THOC6: variants seen among roughly 807,000 people sequenced by gnomAD.
THOC6 encodes the protein THO complex 6.
Under a neutral mutation model 55.8 loss-of-function variants are expected in THOC6, and 39 were observed. That is an observed-to-expected ratio of 0.70 (90% CI 0.54 to 0.91). The LOEUF is 0.91. THOC6 is among the 40% of genes least tolerant of loss of function. The pLI is 0.00. For synonymous variants in THOC6, 192 were observed against 175.6 expected (o/e 1.09, Z -0.74); for missense variants, 482 against 442.0 (o/e 1.09, Z -0.81).
Position 3,024,234 on chromosome 16 carries a change from G to T in THOC6, c.-93G>T. 6 of 1,534,090 alleles carry T rather than the reference G, an allele frequency of 3.9e-6. No individual in the cohort carries two copies. The highest frequency in any genetic ancestry group is 5.4e-6 in the Non-Finnish European group (6 of 1,113,194). On this transcript the variant is annotated 5_prime_UTR_variant, in exon 1 of 13. Coordinates refer to ENST00000326266, the MANE Select transcript of THOC6 (RefSeq NM_024339.5). The stretch of plus-strand genomic sequence containing the variant: ...CACCAGCCACCTTCGCGCCGAAGGC[G>T]GTAGGGCGCCACGGAGAGGAACCGC...
rs763408810 is a variant in THOC6, at chr16:3,024,348, G to C, written c.22G>C (p.Ala8Pro). 1 of 1,614,190 alleles carries C rather than the reference G, an allele frequency of 6.2e-7. No individual in the cohort carries two copies. The highest frequency in any genetic ancestry group is 1.7e-5 in the Admixed American group (1 of 60,030). ...GGAGATGGAGCGAGCTGTGCCGCTC[G>C]CGGTGCCTCTGGGTCAGGTGAGACG... MERAVPL[A>P]VPLGQTEVFQ... is the part of the protein sequence containing the mutation. The change falls in exon 1 of 13, where the codon GCG becomes CCG. Residue 8 changes from alanine (A) to proline (P), a missense_variant. Coordinates refer to ENST00000326266, the MANE Select transcript of THOC6 (RefSeq NM_024339.5).
In THOC6 at chr16:3,024,053, GCGGGCGCGGAAGA is replaced by G; in HGVS notation, c.-267_-255del. On this transcript the variant is annotated 5_prime_UTR_variant, in exon 1 of 13. Coordinates refer to ENST00000326266, the MANE Select transcript of THOC6 (RefSeq NM_024339.5). Reference sequence around the variant, plus strand: ...GGCGGGCACAGCCGCGAGGTTCTGCGCGGGCGCGGAAGACGGGCGGCGCGTGGCGGAAGGCAGG... The same window carrying G: ...GGCGGGCACAGCCGCGAGGTTCTGCGCGGGCGGCGCGTGGCGGAAGGCAGG... The G allele has an allele frequency of 1.1e-6, 1 of 926,646 alleles. No individual in the cohort carries two copies. Among genetic ancestry groups the G allele is most frequent in the Non-Finnish European group, 1.6e-6 (1 of 628,754 alleles). The allele number at this position is 926,646 out of a possible 1,614,324, so 57.4% of individuals were successfully genotyped here.
chr16:3,027,508 C>A lies in THOC6; in HGVS notation c.945+8C>A. 1 of 1,611,364 alleles carries A rather than the reference C, an allele frequency of 6.2e-7. No individual in the cohort carries two copies. Among genetic ancestry groups the A allele is most frequent in the Non-Finnish European group, 8.5e-7 (1 of 1,178,728 alleles). On this transcript the variant is annotated splice_region_variant and intron_variant, in intron 12 of 12. Coordinates refer to ENST00000326266, the MANE Select transcript of THOC6 (RefSeq NM_024339.5). The stretch of plus-strand genomic sequence containing the variant: ...GCCGCGCCTGAGTGCAAGGTGGGTC[C>A]GGCAGGGGCCGCGGAGCGGCTGGGA...
chr16:3,024,853 T>C (rs2072742952), intron 1 of THOC6, among the ~76,000 whole-genome samples: 1 of 151,880 alleles, frequency 6.6e-6, no homozygotes, highest in Non-Finnish European at 1.5e-5. Flanking sequence ...CAGGCTGGTC[T>C]CGAACTCCTG....
chr16:3,024,341 G>T lies in THOC6; in HGVS notation c.15G>T (p.Val5=). The T allele has an allele frequency of 6.2e-7, 1 of 1,614,168 alleles. No individual in the cohort carries two copies. Among genetic ancestry groups the T allele is most frequent in the South Asian group, 1.1e-5 (1 of 91,086 alleles). The change falls in exon 1 of 13, where the codon GTG becomes GTT. Residue 5 remains valine (V), a synonymous_variant. Coordinates refer to ENST00000326266, the MANE Select transcript of THOC6 (RefSeq NM_024339.5). The stretch of plus-strand genomic sequence containing the variant: ...TAGTTCTGGAGATGGAGCGAGCTGT[G>T]CCGCTCGCGGTGCCTCTGGGTCAGG... MERA[V]PLAVPLGQTE... is the part of the protein sequence containing the mutation.
Position 3,024,332 on chromosome 16 carries a change from G to A in THOC6, c.6G>A (p.Glu2=), listed in dbSNP as rs1203204420. 6.2e-7 allele frequency: 1 copy of A among 1,614,182 alleles called. No individual in the cohort carries two copies. The highest frequency in any genetic ancestry group is 1.7e-5 in the Admixed American group (1 of 60,030). Residue 2 remains glutamate (E), a synonymous_variant, in exon 1 of 13, where the codon GAG becomes GAA. Transcript: ENST00000326266. The stretch of plus-strand genomic sequence containing the variant: ...TGGGACTTGTAGTTCTGGAGATGGA[G>A]CGAGCTGTGCCGCTCGCGGTGCCTC... M[E]RAVPLAVPLG... is the part of the protein sequence containing the mutation.
Position 3,025,321 on chromosome 16 carries a change from C to G in THOC6, c.40-387C>G, listed in dbSNP as rs527853535. 2.0e-5 allele frequency among the ~76,000 whole-genome samples: 3 copies of G among 152,210 alleles called. No individual in the cohort carries two copies. In the South Asian group the frequency reaches 6.2e-4, roughly 32 times the overall value. On this transcript the variant is annotated intron_variant, in intron 1 of 12. Coordinates refer to ENST00000326266, the MANE Select transcript of THOC6 (RefSeq NM_024339.5). The stretch of plus-strand genomic sequence containing the variant: ...CTCAAACTCCTGGCCTCCCAGAGCG[C>G]TGGATTACAGGCATGAACCACCACA...
chr16:3,024,487 T>A, intron 1 of THOC6, 122 bp downstream of exon 1: 1 of 1,243,590 alleles, frequency 8.0e-7, no homozygotes. Flanking sequence ...GGACTCAGAC[T>A]CTGACCAGGG....
chr16:3,026,964 A>G (rs2072812379), intron 9 of THOC6, 47 bp from the exon 10 acceptor site: 1 of 1,613,772 alleles, frequency 6.2e-7, no homozygotes, highest in African/African-American at 1.3e-5. Flanking sequence ...CAACTCCTTG[A>G]ATTCTCCAGG....
chr16:3,025,490 C>G (rs903438074), intron 1 of THOC6, among the ~76,000 whole-genome samples: 1 of 152,254 alleles, frequency 6.6e-6, no homozygotes, highest in African/African-American at 2.4e-5. Context: ...TCAGAGGTCC[C>G]TGAGGCATCA....
At position 3,027,188 on chromosome 16, in the gene THOC6, G is replaced by GC. The variant is rs769663666; in HGVS notation, c.721dup (p.Leu241ProfsTer73). ...TGTCCAGGTCTGTGGAGGGGGCCCA[G>GC]CCCTCACCCTCTGGCACCTCCGATC... is the stretch of plus-strand genomic sequence containing the variant. On this transcript the variant is annotated frameshift_variant, in exon 11 of 13. Transcript: ENST00000326266. LOFTEE classifies it high-confidence loss of function. 6 of 1,614,060 alleles carry GC rather than the reference G, an allele frequency of 3.7e-6. No homozygotes were observed. In the East Asian group the frequency reaches 1.3e-4, roughly 36 times the overall value.
At chr16:3,026,467 C>T (rs939720563) in intron 6 of THOC6, 49 bp from the exon 7 acceptor site, 11 of 1,613,978 alleles carry the variant, frequency 6.8e-6, no homozygotes, top group Non-Finnish European at 9.3e-6. Flanking sequence ...TCACCCTCTG[C>T]CTATCCTGAT....
Position 3,024,255 on chromosome 16 carries a change from A to C in THOC6, c.-72A>C. 3.1e-6 allele frequency: 5 copies of C among 1,599,056 alleles called. No individual in the cohort carries two copies. The South Asian group carries it at 3.3e-5, about 11-fold the overall frequency. ...AGGCGGTAGGGCGCCACGGAGAGGA[A>C]CCGCTCTAGGCACGTAAGGCCTCGT... On this transcript the variant is annotated 5_prime_UTR_variant, in exon 1 of 13. Coordinates refer to ENST00000326266, the MANE Select transcript of THOC6 (RefSeq NM_024339.5).
At chr16:3,024,395 T>A in intron 1 of THOC6, 30 bp downstream of exon 1, 1 of 1,613,900 alleles carries the variant, frequency 6.2e-7, no homozygotes, top group Non-Finnish European at 8.5e-7. Context: ...CGTTGCCTTC[T>A]GGGGTTTGTA....
rs1157346684 is a variant in THOC6 at position 3,026,664 on chromosome 16, C to T, written c.484-15C>T. 1.9e-6 allele frequency: 3 copies of T among 1,610,454 alleles called. No homozygotes were observed. Among genetic ancestry groups the T allele is most frequent in the Middle Eastern group, 1.7e-4 (1 of 6,052 alleles). On this transcript the variant is annotated splice_polypyrimidine_tract_variant and intron_variant, in intron 7 of 12. Transcript: ENST00000326266. ...CTTCCTAGGTCTCCTCCTGACATCG[C>T]CCCTCTACATGCAGAGGGTCCTCCG...
In THOC6 at chr16:3,027,718, T is replaced by A; in HGVS notation, c.*61T>A. The A allele has an allele frequency of 6.5e-7, 1 of 1,541,184 alleles. No homozygotes were observed. The highest frequency in any genetic ancestry group is 8.7e-7 in the Non-Finnish European group (1 of 1,146,552). On this transcript the variant is annotated 3_prime_UTR_variant, in exon 13 of 13. Transcript: ENST00000326266. ...GAGTGTTTTTCATTTTCTTTTTTTTTTTTTTTTTACAATAAAGTTTCAGGC... is the reference window on the plus strand; with the variant it reads ...GAGTGTTTTTCATTTTCTTTTTTTTATTTTTTTTACAATAAAGTTTCAGGC...
At position 3,024,335 on chromosome 16, in the gene THOC6, A is replaced by C. The variant is rs116159486; in HGVS notation, c.9A>C (p.Arg3=). Residue 3 remains arginine, a synonymous_variant, in exon 1 of 13, where the codon CGA becomes CGC. Transcript: ENST00000326266. ME[R]AVPLAVPLGQ... is the part of the protein sequence containing the mutation. ...GACTTGTAGTTCTGGAGATGGAGCGAGCTGTGCCGCTCGCGGTGCCTCTGG... is the reference window on the plus strand; with the variant it reads ...GACTTGTAGTTCTGGAGATGGAGCGCGCTGTGCCGCTCGCGGTGCCTCTGG... 53,372 of 1,613,878 alleles carry C rather than the reference A, an allele frequency of 0.033. 1,023 individuals are homozygous for C. The highest frequency in any genetic ancestry group is 0.036 in the Non-Finnish European group (43,040 of 1,179,946).
chr16:3,024,449 G>A, intron 1 of THOC6, 84 bp downstream of exon 1: 1 of 1,560,794 alleles, frequency 6.4e-7, no homozygotes, highest in Non-Finnish European at 8.8e-7. Context: ...ATCGTGCCCT[G>A]AGCCCTGTTT....
chr16:3,026,374 G>A lies in THOC6; in HGVS notation c.372G>A (p.Leu124=). ...WRRQPPYRTS[L]EVPEINALLL... ...GCCTTTCCTTCCCCAGGACCAGCCT[G>A]GAAGTGCCTGAGATCAACGCTTTGC... is the stretch of plus-strand genomic sequence containing the variant. The change falls in exon 6 of 13, where the codon CTG becomes CTA. Residue 124 remains leucine, a synonymous_variant. Coordinates refer to ENST00000326266, the MANE Select transcript of THOC6 (RefSeq NM_024339.5). The A allele has an allele frequency of 6.2e-7, 1 of 1,614,092 alleles. No homozygotes were observed. Among genetic ancestry groups the A allele is most frequent in the East Asian group, 2.2e-5 (1 of 44,894 alleles).
Sources: allele counts gnomAD v4.1 joint callset (sites outside exome capture counted in the v4.1 genomes callset), GRCh38; gene constraint gnomAD v4.1.1; transcripts MANE v1.5; gene names NCBI Gene and HGNC (gene_info 2026-07-23, HGNC 2026-07-21).